The following RAPH1 variants were observed in gnomAD, a reference collection of about 807,000 sequenced individuals.
RAPH1 encodes the protein ras-associated and pleckstrin homology domains-containing protein 1.
Under a neutral mutation model 88.1 loss-of-function variants are expected in RAPH1, and 18 were observed. The ratio of observed to expected loss-of-function variants is 0.20; its 90% confidence interval spans 0.14 to 0.30. The LOEUF (loss-of-function observed/expected upper bound fraction) is 0.30. Among genes scored for constraint, RAPH1 ranks in the 10% least tolerant of loss-of-function variants. RAPH1 has a pLI of 1.00. For missense variants in RAPH1, 1,448 were observed against 1,543.2 expected (o/e 0.94, Z 1.03); for synonymous variants, 587 against 559.0 (o/e 1.05, Z -0.71).
chr2:203,444,796 A>G (rs1331827368), intron 13 of RAPH1, 72 bp downstream of exon 13: 2 of 1,401,740 alleles, frequency 1.4e-6, no homozygotes, highest in Non-Finnish European at 2.0e-6. Flanking sequence ...CGATAAAGAC[A>G]TAAGAGAGCA....
intron 13 of RAPH1, 93 bp from the exon 14 acceptor site, chr2:203,441,506 CA>C (rs969428042): frequency 1.4e-6 from 2 of 1,429,184 alleles, no homozygotes; most frequent in Admixed American, 3.2e-5. Context: ...AACTAAAAAG[CA>C]GGGAGTCTGG....
chr2:203,496,132 T>A (rs1006223579), intron 1 of RAPH1, among the ~76,000 whole-genome samples: 1 of 151,924 alleles, frequency 6.6e-6, no homozygotes, highest in South Asian at 2.1e-4. Context: ...CCGAGGCGGG[T>A]GGATCAACCT....
intron 9 of RAPH1, among the ~76,000 whole-genome samples, chr2:203,455,163 A>C (rs1433954960): frequency 6.6e-6 from 1 of 152,218 alleles, no homozygotes; most frequent in Non-Finnish European, 1.5e-5. Context: ...AAAAATAAAC[A>C]AAACTACTCC....
chr2:203,463,744 AT>A (rs200185953), intron 4 of RAPH1, among the ~76,000 whole-genome samples: 7 of 152,194 alleles, frequency 4.6e-5, no homozygotes, highest in Non-Finnish European at 7.4e-5. Context: ...AAATCATCCT[AT>A]TTTTTTAAAA....
intron 1 of RAPH1, among the ~76,000 whole-genome samples, chr2:203,500,392 A>G (rs1445894207): frequency 1.3e-5 from 2 of 152,218 alleles, no homozygotes; most frequent in East Asian, 1.9e-4. Context: ...TTTCTGAAGC[A>G]TAGGATGGGT....
chr2:203,438,470 C>T lies in RAPH1; in HGVS notation c.*967G>A, dbSNP rs1246500685. On this transcript the variant is annotated 3_prime_UTR_variant, in exon 14 of 14. Transcript: ENST00000319170. ...TATGTAATAACACCTACCTAAAGCA[C>T]ATATTTTAAGAAGGTAACTGGTGAC... 1 of 256,240 alleles carries T rather than the reference C, an allele frequency of 3.9e-6. No homozygotes were observed. Among genetic ancestry groups the T allele is most frequent in the African/African-American group, 2.3e-5 (1 of 43,722 alleles). The allele number at this position is 256,240 out of a possible 1,614,324, so 15.9% of individuals were successfully genotyped here.
intron 4 of RAPH1, among the ~76,000 whole-genome samples, chr2:203,484,000 C>G (rs1395231960): frequency 6.6e-6 from 1 of 152,160 alleles, no homozygotes; most frequent in African/African-American, 2.4e-5. Flanking sequence ...AGCTTGCAGA[C>G]AGCCTGTCAC....
chr2:203,493,544 C>T (rs141315259), intron 2 of RAPH1, among the ~76,000 whole-genome samples: 409 of 152,208 alleles, frequency 2.7e-3, no homozygotes, highest in Non-Finnish European at 5.0e-3. Context: ...CTTAAATCAC[C>T]CTTTTTATAA....
intron 1 of RAPH1, among the ~76,000 whole-genome samples, chr2:203,509,076 T>C (rs1290107179): frequency 6.7e-6 from 1 of 149,206 alleles, no homozygotes; most frequent in East Asian, 1.9e-4. Context: ...ATTTTTTTTT[T>C]TTTTTTTTTT....
intron 1 of RAPH1, among the ~76,000 whole-genome samples, chr2:203,507,058 G>T (rs985220630): frequency 2.0e-5 from 3 of 149,486 alleles, no homozygotes; most frequent in Non-Finnish European, 4.4e-5. Context: ...CACCACACCC[G>T]GCTAATTTTT....
At chr2:203,483,556 C>A (rs545127084) in intron 4 of RAPH1, among the ~76,000 whole-genome samples, 1 of 152,136 alleles carries the variant, frequency 6.6e-6, no homozygotes, top group African/African-American at 2.4e-5. Flanking sequence ...TAAATTTGAG[C>A]AATCTATTTA....
In RAPH1 at chr2:203,461,306, G is replaced by A; in HGVS notation, c.913C>T (p.His305Tyr). 1 of 1,609,048 alleles carries A rather than the reference G, an allele frequency of 6.2e-7. No homozygotes were observed. Among genetic ancestry groups the A allele is most frequent in the South Asian group, 1.1e-5 (1 of 90,416 alleles). Reference sequence around the variant, plus strand: ...GACCAGTCTAAACTATAACCGCAGTGGGATTTGTCCATCAGGTTATCCAGT... The same window carrying A: ...GACCAGTCTAAACTATAACCGCAGTAGGATTTGTCCATCAGGTTATCCAGT... The part of the protein sequence containing the change: ...QVLDNLMDKS[H>Y]CGYSLDWSLV... Residue 305 changes from histidine (H) to tyrosine (Y), a missense_variant, in exon 6 of 14, where the codon CAC becomes TAC. Around this residue, in one of 2 missense-constraint regions of RAPH1, gnomAD observed 513 missense variants for 653.1 expected, o/e 0.79. Transcript: ENST00000319170.
intron 1 of RAPH1, among the ~76,000 whole-genome samples, chr2:203,506,766 A>AAC (rs1689038594): frequency 7.7e-6 from 1 of 129,708 alleles, no homozygotes; most frequent in African/African-American, 3.2e-5. Context: ...ATCTATATAT[A>AAC]TATCTATATA....
chr2:203,487,639 C>T (rs1688032881), intron 4 of RAPH1, among the ~76,000 whole-genome samples: 1 of 152,142 alleles, frequency 6.6e-6, no homozygotes, highest in South Asian at 2.1e-4. Context: ...CCCGCCTCGG[C>T]CTCCCAAAGT....
intron 4 of RAPH1, among the ~76,000 whole-genome samples, chr2:203,473,345 TG>T (rs1222122533): frequency 1.3e-5 from 2 of 152,062 alleles, no homozygotes; most frequent in Non-Finnish European, 2.9e-5. Context: ...TAGAATTCCT[TG>T]CTCTTCAGAA....
chr2:203,480,347 G>C (rs1461092340), intron 4 of RAPH1, among the ~76,000 whole-genome samples: 2 of 152,118 alleles, frequency 1.3e-5, no homozygotes, highest in Non-Finnish European at 2.9e-5. Context: ...TCAGGAGCTC[G>C]AGACCAGCCT....
chr2:203,474,292 T>C (rs954727971), intron 4 of RAPH1, among the ~76,000 whole-genome samples: 1 of 152,150 alleles, frequency 6.6e-6, no homozygotes, highest in Admixed American at 6.5e-5. Context: ...GGAGAGTTAC[T>C]GGTATTTATT....
intron 1 of RAPH1, among the ~76,000 whole-genome samples, chr2:203,531,457 A>G (rs1010145272): frequency 6.6e-6 from 1 of 152,252 alleles, no homozygotes; most frequent in African/African-American, 2.4e-5. Context: ...GATAACCCAT[A>G]AAATGGGAGA....
chr2:203,446,078 A>C (rs2098509306), intron 12 of RAPH1: 1 of 152,096 alleles, frequency 6.6e-6, no homozygotes, highest in Non-Finnish European at 1.5e-5. Context: ...TACGCTCCAC[A>C]CTTTATTTGG....
Sources: allele counts gnomAD v4.1 joint callset (sites outside exome capture counted in the v4.1 genomes callset), GRCh38; gene constraint gnomAD v4.1.1; regional missense constraint gnomAD v4.1.1; transcripts MANE v1.5; gene names NCBI Gene and HGNC (gene_info 2026-07-23, HGNC 2026-07-21).